Variants in ADAMTSL1 observed in about 807,000 individuals in gnomAD.
ADAMTSL1 encodes ADAMTS-like protein 1.
Under a neutral mutation model 201.8 loss-of-function variants are expected in ADAMTSL1, and 126 were observed. That is an observed-to-expected ratio of 0.62 (90% CI 0.54 to 0.72). The LOEUF (loss-of-function observed/expected upper bound fraction) is 0.72, where lower values mean the gene tolerates loss of function less well. ADAMTSL1 is among the 30% of genes least tolerant of loss of function. The probability of loss-of-function intolerance (pLI) is 0.00; values close to 1 mark genes in which losing one functional copy is unlikely to be tolerated. For missense variants in ADAMTSL1, 2,679 were observed against 2,277.8 expected (o/e 1.18, Z -3.59); for synonymous variants, 1,121 against 903.4 (o/e 1.24, Z -4.32).
intron 1 of ADAMTSL1, among the ~76,000 whole-genome samples, chr9:18,127,416 A>G (rs1006519822): frequency 6.6e-6 from 1 of 151,770 alleles, no homozygotes; most frequent in African/African-American, 2.4e-5. Context: ...AAAATTAATG[A>G]GAATTTTTAA....
intron 23 of ADAMTSL1, among the ~76,000 whole-genome samples, chr9:18,840,384 C>T (rs932098464): frequency 2.6e-5 from 4 of 152,090 alleles, no homozygotes; most frequent in Admixed American, 1.3e-4. Context: ...TGTTCTGTTC[C>T]ATTGATCTAT....
At chr9:18,287,312 TATGTATGTATACACACACACAC>T (rs1833027946) in intron 2 of ADAMTSL1, among the ~76,000 whole-genome samples, 2 of 151,798 alleles carry the variant, frequency 1.3e-5, no homozygotes, top group Non-Finnish European at 2.9e-5. Context: ...CGTATATACA[TATGTATGTATACACACACACAC>T]GTGTGTGTAT....
At chr9:18,400,610 G>A (rs1262883349) in intron 2 of ADAMTSL1, among the ~76,000 whole-genome samples, 1 of 152,056 alleles carries the variant, frequency 6.6e-6, no homozygotes, top group Non-Finnish European at 1.5e-5. Flanking sequence ...AATACGTTTC[G>A]AACAGGAGTG....
intron 26 of ADAMTSL1, among the ~76,000 whole-genome samples, chr9:18,897,983 C>G (rs769275932): frequency 6.6e-6 from 1 of 151,088 alleles, no homozygotes; most frequent in Admixed American, 6.6e-5. Context: ...TGAGACCAGC[C>G]TGGCCAATAT....
chr9:17,996,511 G>A (rs1438099434), intron 1 of ADAMTSL1, among the ~76,000 whole-genome samples: 2 of 152,080 alleles, frequency 1.3e-5, no homozygotes, highest in African/African-American at 4.8e-5. Flanking sequence ...CATTGGGCAA[G>A]GCAGAATTAA....
chr9:18,197,197 T>C (rs1034955866), intron 2 of ADAMTSL1, among the ~76,000 whole-genome samples: 1 of 152,076 alleles, frequency 6.6e-6, no homozygotes, highest in Non-Finnish European at 1.5e-5. Flanking sequence ...TTAAAGTAGT[T>C]TTTTCCAATT....
At chr9:17,957,115 T>C (rs1827962854) in intron 1 of ADAMTSL1, among the ~76,000 whole-genome samples, 1 of 152,156 alleles carries the variant, frequency 6.6e-6, no homozygotes, top group South Asian at 2.1e-4. Flanking sequence ...ATAAGAAAAC[T>C]GATATTAGAA....
At chr9:18,895,452 T>A (rs10125547) in intron 26 of ADAMTSL1, among the ~76,000 whole-genome samples, 15,494 of 142,738 alleles carry the variant, frequency 0.11, 895 homozygotes, top group Middle Eastern at 0.22. Context: ...TGTGGCATGG[T>A]TTTGATCTTA....
At chr9:18,119,098 A>G (rs1825387452) in intron 1 of ADAMTSL1, among the ~76,000 whole-genome samples, 1 of 152,162 alleles carries the variant, frequency 6.6e-6, no homozygotes, top group Non-Finnish European at 1.5e-5. Flanking sequence ...TAATCATTGT[A>G]TCCATTTCAT....
At chr9:18,237,057 A>C (rs1228127306) in intron 2 of ADAMTSL1, among the ~76,000 whole-genome samples, 1 of 152,226 alleles carries the variant, frequency 6.6e-6, no homozygotes, top group African/African-American at 2.4e-5. Context: ...ATATTTAGTA[A>C]CATTTTTTGT....
intron 2 of ADAMTSL1, among the ~76,000 whole-genome samples, chr9:18,246,967 C>T (rs760508703): frequency 3.5e-4 from 53 of 152,168 alleles, no homozygotes; most frequent in Admixed American, 5.9e-4. Flanking sequence ...CTCCTAACCT[C>T]GGGTTTGACT....
chr9:18,250,023 C>T (rs1831405540), intron 2 of ADAMTSL1, among the ~76,000 whole-genome samples: 2 of 152,216 alleles, frequency 1.3e-5, no homozygotes, highest in Admixed American at 1.3e-4. Context: ...TAAATACTAT[C>T]TAATTTCCTG....
In ADAMTSL1 at chr9:18,836,861, T is replaced by C. The variant is rs868448074; in HGVS notation, c.4249+6884T>C. ...CTAGATATTTTATTTTTGTGTATTT[T>C]TGTGTTGCTATTGTAAATGGCATTG... is the stretch of plus-strand genomic sequence containing the variant. On this transcript the variant is annotated intron_variant, in intron 23 of 28. Coordinates refer to ENST00000380548, the MANE Select transcript of ADAMTSL1 (RefSeq NM_001040272.6). Among the ~76,000 whole-genome samples, 44 of 152,288 alleles carry C rather than the reference T, an allele frequency of 2.9e-4. No homozygotes were observed. In the Middle Eastern group the frequency reaches 0.01, roughly 35 times the overall value.
At chr9:18,714,054 G>T (rs1195933922) in intron 14 of ADAMTSL1, among the ~76,000 whole-genome samples, 1 of 151,974 alleles carries the variant, frequency 6.6e-6, no homozygotes, top group Non-Finnish European at 1.5e-5. Flanking sequence ...AAACCAATGA[G>T]AACAAAGACA....
intron 1 of ADAMTSL1, among the ~76,000 whole-genome samples, chr9:18,081,148 G>T (rs780937099): frequency 1.3e-5 from 2 of 152,120 alleles, no homozygotes; most frequent in Non-Finnish European, 2.9e-5. Context: ...TTTGAGTGGG[G>T]GTGGACTTTG....
intron 1 of ADAMTSL1, among the ~76,000 whole-genome samples, chr9:18,051,127 C>A (rs1375941559): frequency 6.6e-6 from 1 of 152,072 alleles, no homozygotes; most frequent in Non-Finnish European, 1.5e-5. Flanking sequence ...TAGTGAAACC[C>A]CATCTCTACT....
intron 1 of ADAMTSL1, among the ~76,000 whole-genome samples, chr9:18,483,604 G>A (rs888814310): frequency 1.3e-5 from 2 of 152,150 alleles, no homozygotes; most frequent in South Asian, 4.1e-4. Context: ...AAGGCAGGTG[G>A]ATCAGGAGGT....
At chr9:18,740,819 C>T (rs190946098) in intron 15 of ADAMTSL1, among the ~76,000 whole-genome samples, 70 of 152,252 alleles carry the variant, frequency 4.6e-4, no homozygotes, top group Non-Finnish European at 7.6e-4. Flanking sequence ...TTCAAAGTCC[C>T]AGTTCCCTGA....
intron 1 of ADAMTSL1, among the ~76,000 whole-genome samples, chr9:18,112,802 T>C (rs1825083319): frequency 6.6e-6 from 1 of 152,172 alleles, no homozygotes; most frequent in Non-Finnish European, 1.5e-5. Context: ...ATGCCATCCA[T>C]TCACTGCCTC....
Sources: gnomAD v4.1 joint callset for allele counts (sites outside exome capture counted in the v4.1 genomes callset) on GRCh38, gnomAD v4.1.1 for gene constraint, MANE v1.5 for transcripts, NCBI Gene and HGNC (gene_info 2026-07-23, HGNC 2026-07-21) for gene names.